Variants in DPP10 observed in about 807,000 individuals in gnomAD.
The protein encoded by DPP10 is dipeptidyl peptidase like 10.
DPP10 carries 33 observed loss-of-function variants against 120.9 expected under a neutral mutation model. The observed-to-expected ratio is 0.27, with a 90% CI of 0.21 to 0.37. The LOEUF (loss-of-function observed/expected upper bound fraction) is 0.37, where lower values mean the gene tolerates loss of function less well. Ranked by LOEUF, DPP10 falls within the 10% of genes least tolerant of loss-of-function variation. The pLI is 1.00. For missense variants in DPP10, 816 were observed against 942.8 expected (o/e 0.87, Z 1.76); for synonymous variants, 337 against 326.1 (o/e 1.03, Z -0.36).
chr2:114,591,869 A>G (rs1387907651), intron 1 of DPP10, among the ~76,000 whole-genome samples: 1 of 152,082 alleles, frequency 6.6e-6, no homozygotes, highest in Non-Finnish European at 1.5e-5. Context: ...TTCTATGTTG[A>G]CTTTATACAG....
chr2:115,752,453 C>A (rs1415690320), intron 10 of DPP10, among the ~76,000 whole-genome samples: 1 of 152,064 alleles, frequency 6.6e-6, no homozygotes, highest in East Asian at 1.9e-4. Flanking sequence ...TAAATTATAT[C>A]TTTATTATAC....
At chr2:114,738,571 C>T (rs11886881) in intron 1 of DPP10, among the ~76,000 whole-genome samples, 2,551 of 152,186 alleles carry the variant, frequency 0.017, 91 homozygotes, top group African/African-American at 0.058. Context: ...TGAGGAGCAC[C>T]GGCCTGTGTG....
chr2:115,597,534 T>C (rs2083064013), intron 5 of DPP10, among the ~76,000 whole-genome samples: 1 of 145,776 alleles, frequency 6.9e-6, no homozygotes, highest in Non-Finnish European at 1.5e-5. Flanking sequence ...TATATACATA[T>C]ATATACACAC....
intron 1 of DPP10, among the ~76,000 whole-genome samples, chr2:115,236,203 A>G (rs796373099): frequency 5.3e-5 from 8 of 152,354 alleles, no homozygotes; most frequent in African/African-American, 1.9e-4. Flanking sequence ...ACTTAGAGGT[A>G]TTATTACTAA....
At chr2:115,037,464 C>G (rs1158619417) in intron 1 of DPP10, among the ~76,000 whole-genome samples, 1 of 152,074 alleles carries the variant, frequency 6.6e-6, no homozygotes, top group Non-Finnish European at 1.5e-5. Flanking sequence ...ATTTTGCAGC[C>G]ATTAAGTTCC....
chr2:114,473,340 A>C (rs1400149618), intron 1 of DPP10, among the ~76,000 whole-genome samples: 1 of 152,240 alleles, frequency 6.6e-6, no homozygotes, highest in Non-Finnish European at 1.5e-5. Context: ...GGTGCCCCTG[A>C]AAAAATTAGG....
chr2:115,048,493 G>A (rs951080334), intron 1 of DPP10, among the ~76,000 whole-genome samples: 9 of 152,118 alleles, frequency 5.9e-5, no homozygotes, highest in Non-Finnish European at 1.3e-4. Flanking sequence ...TTTCTAAAAT[G>A]TAGACATAAG....
chr2:115,604,276 C>T (rs1011657469), intron 5 of DPP10, among the ~76,000 whole-genome samples: 1 of 152,032 alleles, frequency 6.6e-6, no homozygotes, highest in South Asian at 2.1e-4. Context: ...CGGAGTTTTT[C>T]TATTCTCTAG....
chr2:114,717,612 A>C (rs1052516628), intron 1 of DPP10, among the ~76,000 whole-genome samples: 6 of 152,234 alleles, frequency 3.9e-5, no homozygotes, highest in Non-Finnish European at 7.3e-5. Context: ...ATATTCTTGG[A>C]GAATTTTTAG....
chr2:114,472,705 G>GC (rs1411921102), intron 1 of DPP10, among the ~76,000 whole-genome samples: 8 of 152,180 alleles, frequency 5.3e-5, no homozygotes, highest in African/African-American at 1.9e-4. Context: ...ACCAGAAGAT[G>GC]CCACAAAGTT....
At chr2:114,448,890 A>C (rs1262302696) in intron 1 of DPP10, among the ~76,000 whole-genome samples, 2 of 152,186 alleles carry the variant, frequency 1.3e-5, no homozygotes, top group Non-Finnish European at 2.9e-5. Flanking sequence ...AATGACTGTT[A>C]AGGTCATTTA....
rs1701474198 is a variant in DPP10 at position 114,718,131 on chromosome 2, T to TA, written c.60+275294dup. ...CATAGTTCAACATAAAAATGAAAGT[T>TA]AGTGGTTTTCAAATATTACATCTCT... On this transcript the variant is annotated intron_variant, in intron 1 of 25. Coordinates refer to ENST00000410059, the MANE Select transcript of DPP10 (RefSeq NM_020868.6). 5.3e-5 allele frequency among the ~76,000 whole-genome samples: 8 copies of TA among 151,846 alleles called. No individual in the cohort carries two copies. The South Asian group carries it at 1.7e-3, about 32-fold the overall frequency.
chr2:115,579,101 C>A (rs985360363), intron 5 of DPP10: 8 of 151,836 alleles, frequency 5.3e-5, no homozygotes, highest in African/African-American at 1.9e-4. Context: ...ATTTTTTTTC[C>A]CATTTTTTAC....
intron 1 of DPP10, among the ~76,000 whole-genome samples, chr2:114,475,572 A>G (rs1050047484): frequency 6.6e-6 from 1 of 152,158 alleles, no homozygotes; most frequent in Non-Finnish European, 1.5e-5. Flanking sequence ...TGCAGAATTC[A>G]GGGATCCAGT....
intron 8 of DPP10, among the ~76,000 whole-genome samples, chr2:115,735,041 G>T (rs371908729): frequency 6.6e-6 from 1 of 152,136 alleles, no homozygotes. Context: ...AGTGGCTTTT[G>T]GTTGGGCGAA....
chr2:115,503,849 T>G (rs1407585168), intron 4 of DPP10, among the ~76,000 whole-genome samples: 1 of 152,102 alleles, frequency 6.6e-6, no homozygotes, highest in Non-Finnish European at 1.5e-5. Context: ...AGGGGTTTGC[T>G]GTGGGAATCT....
intron 1 of DPP10, among the ~76,000 whole-genome samples, chr2:115,112,644 T>C (rs1202108956): frequency 6.6e-6 from 1 of 152,136 alleles, no homozygotes; most frequent in South Asian, 2.1e-4. Flanking sequence ...CTCACTTATA[T>C]GTGAAATCAA....
At chr2:114,709,825 A>T (rs950376688) in intron 1 of DPP10, among the ~76,000 whole-genome samples, 4 of 152,210 alleles carry the variant, frequency 2.6e-5, no homozygotes, top group African/African-American at 9.6e-5. Flanking sequence ...AAAGCCTATT[A>T]TCTTTAATAT....
At chr2:115,714,241 C>T (rs937559601) in intron 7 of DPP10, among the ~76,000 whole-genome samples, 4 of 152,140 alleles carry the variant, frequency 2.6e-5, no homozygotes, top group African/African-American at 4.8e-5. Flanking sequence ...TTGAGATATC[C>T]TTTTACCTTA....
Sources: gnomAD v4.1 joint callset for allele counts (sites outside exome capture counted in the v4.1 genomes callset) on GRCh38, gnomAD v4.1.1 for gene constraint, MANE v1.5 for transcripts, NCBI Gene and HGNC (gene_info 2026-07-23, HGNC 2026-07-21) for gene names.